Variants in DCLK1 observed in about 807,000 individuals in gnomAD.
The protein encoded by DCLK1 is doublecortin like kinase 1, also known as serine/threonine-protein kinase DCLK1.
In DCLK1, 16 loss-of-function variants were observed where a neutral mutation model predicts 86.2. The observed-to-expected ratio is 0.19, with a 90% CI of 0.13 to 0.28. The LOEUF (loss-of-function observed/expected upper bound fraction) is 0.28. DCLK1 is among the 10% of genes least tolerant of loss of function. DCLK1 has a pLI of 1.00. For missense variants in DCLK1, 590 were observed against 940.2 expected, an observed-to-expected ratio of 0.63 and a Z score of 4.87; for synonymous variants, 369 against 370.5, an observed-to-expected ratio of 1.00 and a Z score of 0.05.
At chr13:35,809,367 T>C (rs2087095640) in intron 12 of DCLK1, among the ~76,000 whole-genome samples, 1 of 152,192 alleles carries the variant, frequency 6.6e-6, no homozygotes, top group Admixed American at 6.5e-5. Flanking sequence ...AATGAAGGTT[T>C]TCAGCAAAAA....
intron 3 of DCLK1, among the ~76,000 whole-genome samples, chr13:35,951,505 C>G (rs1053598660): frequency 6.6e-6 from 1 of 150,748 alleles, no homozygotes; most frequent in Non-Finnish European, 1.5e-5. Context: ...GTTGCAGATT[C>G]AAGCCCTACC....
chr13:35,982,572 A>T (rs1032729613), intron 3 of DCLK1, among the ~76,000 whole-genome samples: 5 of 152,118 alleles, frequency 3.3e-5, no homozygotes, highest in Non-Finnish European at 7.4e-5. Flanking sequence ...CCACAGTGAG[A>T]TCACAATGTG....
chr13:35,894,361 G>T (rs1873823516), intron 4 of DCLK1, among the ~76,000 whole-genome samples: 1 of 152,184 alleles, frequency 6.6e-6, no homozygotes, highest in African/African-American at 2.4e-5. Flanking sequence ...GCCAGAACTT[G>T]AACTTGGTGC....
At chr13:35,789,167 G>A (rs373537044) in intron 16 of DCLK1, among the ~76,000 whole-genome samples, 2 of 152,132 alleles carry the variant, frequency 1.3e-5, no homozygotes, top group African/African-American at 4.8e-5. Context: ...TTCTGCCCAC[G>A]AGAGGATGCG....
rs77459434 is a variant in DCLK1, at chr13:36,044,131, C to T, written c.723+67738G>A. 7.9e-3 allele frequency among the ~76,000 whole-genome samples: 1,202 copies of T among 152,266 alleles called. 19 individuals are homozygous for T. The highest frequency in any genetic ancestry group is 0.027 in the African/African-American group (1,117 of 41,544). ...TAAAAGGAGTCTGCAATTTCCTTCC[C>T]CTCTCTTGCTCTCTGTCTCTCTCCA... On this transcript the variant is annotated intron_variant, in intron 3 of 16. Transcript: ENST00000360631.
chr13:35,926,798 C>A (rs73511280), intron 4 of DCLK1, among the ~76,000 whole-genome samples: 2,281 of 152,270 alleles, frequency 0.015, 61 homozygotes, highest in African/African-American at 0.052. Flanking sequence ...TTACTGTGGA[C>A]CTTAACTCAG....
chr13:36,013,284 T>G (rs1233513566), intron 3 of DCLK1, among the ~76,000 whole-genome samples: 1 of 151,816 alleles, frequency 6.6e-6, no homozygotes, highest in Non-Finnish European at 1.5e-5. Flanking sequence ...ACTGCGTTCC[T>G]TTGGAGGAGG....
chr13:36,024,630 G>T (rs1881957063), intron 3 of DCLK1, among the ~76,000 whole-genome samples: 1 of 152,148 alleles, frequency 6.6e-6, no homozygotes, highest in African/African-American at 2.4e-5. Context: ...ATTTGAAGAT[G>T]TAATACTGTT....
chr13:35,972,958 C>T (rs142884016), intron 3 of DCLK1, among the ~76,000 whole-genome samples: 1 of 152,274 alleles, frequency 6.6e-6, no homozygotes, highest in African/African-American at 2.4e-5. Context: ...CCCACATCCC[C>T]ATGCCTGCTC....
At chr13:35,830,184 G>A (rs553666928) in intron 8 of DCLK1, among the ~76,000 whole-genome samples, 5 of 152,126 alleles carry the variant, frequency 3.3e-5, no homozygotes, top group East Asian at 1.9e-4. Context: ...TCAGGAGTTC[G>A]AGACCAGCCT....
At chr13:35,855,677 A>T in intron 5 of DCLK1, 1 of 1,399,538 alleles carries the variant, frequency 7.1e-7, no homozygotes, top group Non-Finnish European at 9.4e-7. Context: ...TGCAGGATTC[A>T]TCAGCAGATG....
chr13:35,776,568 ATCTT>A (rs1051119074), intron 16 of DCLK1, among the ~76,000 whole-genome samples: 5 of 152,166 alleles, frequency 3.3e-5, no homozygotes, highest in African/African-American at 1.2e-4. Context: ...CAGGTTTCTC[ATCTT>A]TTAAATAAGA....
intron 4 of DCLK1, among the ~76,000 whole-genome samples, chr13:35,941,480 A>C (rs1877080016): frequency 6.6e-6 from 1 of 152,218 alleles, no homozygotes; most frequent in African/African-American, 2.4e-5. Context: ...AGGAAGAACA[A>C]CACTGGACTA....
chr13:35,824,770 T>C (rs557985299), intron 10 of DCLK1, among the ~76,000 whole-genome samples: 31 of 152,332 alleles, frequency 2.0e-4, no homozygotes, highest in Admixed American at 8.5e-4. Flanking sequence ...GGAGGCTTTC[T>C]ATATTCTGCC....
rs1467025496 is a variant in DCLK1, at chr13:35,947,276, T to C, written c.823+82A>G. The C allele has an allele frequency of 3.0e-6, 3 of 1,008,134 alleles. No individual in the cohort carries two copies. In the African/African-American group the frequency reaches 4.8e-5, roughly 16 times the overall value. The allele number at this position is 1,008,134 out of a possible 1,614,324, so 62.4% of individuals were successfully genotyped here. A position where few individuals can be genotyped will look rare whatever the true frequency, so the allele number is the denominator to read the frequency against. On this transcript the variant is annotated intron_variant, in intron 4 of 16. Coordinates refer to ENST00000360631, the MANE Select transcript of DCLK1 (RefSeq NM_001330071.2). ...TGAAACTGATTTGGTAGCTTTGGAG[T>C]TGACATAATCTTGGCCTGGTGCAGC...
Position 36,038,175 on chromosome 13 carries a change from A to C in DCLK1, c.723+73694T>G, listed in dbSNP as rs143997891. Among the ~76,000 whole-genome samples, 11 of 152,350 alleles carry C rather than the reference A, an allele frequency of 7.2e-5. No individual in the cohort carries two copies. In the East Asian group the frequency reaches 2.1e-3, roughly 29 times the overall value. ...TATGAACAAGGAAGCTGGGTCCCAT[A>C]AAAGCTCAGTGACTTGTTACCTTGC... On this transcript the variant is annotated intron_variant, in intron 3 of 16. Coordinates refer to ENST00000360631, the MANE Select transcript of DCLK1 (RefSeq NM_001330071.2).
chr13:36,097,415 G>A (rs1430661320), intron 3 of DCLK1, among the ~76,000 whole-genome samples: 3 of 152,028 alleles, frequency 2.0e-5, no homozygotes, highest in African/African-American at 7.2e-5. Context: ...TTTTAAAGTT[G>A]ACATGTTTTT....
chr13:35,952,334 T>C (rs967347783), intron 3 of DCLK1, among the ~76,000 whole-genome samples: 2 of 152,182 alleles, frequency 1.3e-5, no homozygotes, highest in East Asian at 3.9e-4. Flanking sequence ...ATCATTACTT[T>C]GATGAAAGAA....
In DCLK1 at chr13:35,773,434, CTTA is replaced by C. The variant is rs745572172; in HGVS notation, c.*1098_*1100del. 1 of 152,068 alleles carries C rather than the reference CTTA, an allele frequency of 6.6e-6. No homozygotes were observed. The highest frequency in any genetic ancestry group is 2.1e-4 in the South Asian group (1 of 4,784). 9.4% of individuals were successfully genotyped at this position (152,068 alleles called of 1,614,324 possible). A position where few individuals can be genotyped will look rare whatever the true frequency, so the allele number is the denominator to read the frequency against. Reference sequence around the variant, plus strand: ...TTGCCAGTGGTTTATTCACTGAAAACTTATTGTTAGAACATTCTGGATTGTGTT... The same window carrying C: ...TTGCCAGTGGTTTATTCACTGAAAACTTGTTAGAACATTCTGGATTGTGTT... On this transcript the variant is annotated 3_prime_UTR_variant, in exon 17 of 17. Coordinates refer to ENST00000360631, the MANE Select transcript of DCLK1 (RefSeq NM_001330071.2).
Sources: allele counts gnomAD v4.1 joint callset (sites outside exome capture counted in the v4.1 genomes callset), GRCh38; gene constraint gnomAD v4.1.1; transcripts MANE v1.5; gene names NCBI Gene and HGNC (gene_info 2026-07-23, HGNC 2026-07-21).